MOV10L1: variants seen among roughly 807,000 people sequenced by gnomAD.
MOV10L1 encodes RNA helicase Mov10l1.
In MOV10L1, 110 loss-of-function variants were observed where a neutral mutation model predicts 143.8. That is an observed-to-expected ratio of 0.76 (90% confidence interval 0.66 to 0.90). The LOEUF is 0.90. Among genes scored for constraint, MOV10L1 ranks in the 40% least tolerant of loss-of-function variants. MOV10L1 has a pLI of 0.00. For synonymous variants in MOV10L1, 593 were observed against 581.1 expected (o/e 1.02, Z -0.29); for missense variants, 1,406 against 1,526.8 (o/e 0.92, Z 1.32).
At chr22:50,157,255 T>C (rs993622084) in intron 22 of MOV10L1, among the ~76,000 whole-genome samples, 1 of 149,220 alleles carries the variant, frequency 6.7e-6, no homozygotes, top group African/African-American at 2.4e-5. Context: ...TTATATACTA[T>C]TTGCAAAGGT....
At position 50,150,985 on chromosome 22, in the gene MOV10L1, C is replaced by T. The variant is rs528756461; in HGVS notation, c.2892+86C>T. 19 of 1,529,690 alleles carry T rather than the reference C, an allele frequency of 1.2e-5. No individual in the cohort carries two copies. In the Middle Eastern group the frequency reaches 5.1e-4, roughly 41 times the overall value. 94.8% of individuals were successfully genotyped at this position (1,529,690 alleles called of 1,614,324 possible). Reference sequence around the variant, plus strand: ...GTCGAGCAGCTCACTCTTCTGTCCACCTGAGTCATCTCCATCCGTGGGCAG... The same window carrying T: ...GTCGAGCAGCTCACTCTTCTGTCCATCTGAGTCATCTCCATCCGTGGGCAG... On this transcript the variant is annotated intron_variant, in intron 21 of 26. Coordinates refer to ENST00000262794, the MANE Select transcript of MOV10L1 (RefSeq NM_018995.3).
intron 20 of MOV10L1, 131 bp from the exon 21 acceptor site, chr22:50,150,604 T>A: frequency 9.8e-7 from 1 of 1,020,626 alleles, no homozygotes; most frequent in Non-Finnish European, 1.4e-6. Context: ...GGTCTCCCAG[T>A]CCCTCCCGTC....
intron 3 of MOV10L1, among the ~76,000 whole-genome samples, chr22:50,107,499 T>G (rs1825693390): frequency 6.6e-6 from 1 of 152,214 alleles, no homozygotes; most frequent in African/African-American, 2.4e-5. Context: ...CTTTTTTTTT[T>G]TTGAGCTTCC....
intron 3 of MOV10L1, among the ~76,000 whole-genome samples, chr22:50,104,278 CTA>C (rs2061815882): frequency 6.6e-6 from 1 of 152,218 alleles, no homozygotes; most frequent in Non-Finnish European, 1.5e-5. Context: ...AGCTTGGTTT[CTA>C]ACAGGCCACA....
intron 1 of MOV10L1, 24 bp from the exon 2 acceptor site, chr22:50,091,977 A>G (rs761272187): frequency 1.2e-6 from 2 of 1,604,808 alleles, no homozygotes; most frequent in South Asian, 1.1e-5. Flanking sequence ...TGGCCAAGAT[A>G]ACTTCTTTGT....
intron 1 of MOV10L1, chr22:50,091,421 T>C (rs56144269): frequency 0.14 from 22,356 of 165,478 alleles, 1,957 homozygotes; most frequent in Non-Finnish European, 0.19. Flanking sequence ...TCCAGCACCG[T>C]GTTTGTTGAG....
chr22:50,102,027 G>C (rs557864603), intron 3 of MOV10L1, among the ~76,000 whole-genome samples: 1 of 152,174 alleles, frequency 6.6e-6, no homozygotes, highest in African/African-American at 2.4e-5. Context: ...TGATGTTGCA[G>C]ATGTTGATGG....
At position 50,137,497 on chromosome 22, in the gene MOV10L1, C is replaced by T. The variant is rs1355434789; in HGVS notation, c.2070+2867C>T. 4.6e-5 allele frequency among the ~76,000 whole-genome samples: 7 copies of T among 151,746 alleles called. No individual in the cohort carries two copies. In the South Asian group the frequency reaches 6.3e-4, roughly 14 times the overall value. On this transcript the variant is annotated intron_variant, in intron 15 of 26. Transcript: ENST00000262794. ...CGGAGGCTGCAGTGAGCCGAGATCG[C>T]GCCACTGCACTCCAGCGTGGGCAAT...
chr22:50,161,390 C>T lies in MOV10L1; in HGVS notation c.3577C>T (p.Pro1193Ser). 6.2e-7 allele frequency: 1 copy of T among 1,600,496 alleles called. No homozygotes were observed. Among genetic ancestry groups the T allele is most frequent in the East Asian group, 2.3e-5 (1 of 44,324 alleles). The change falls in exon 27 of 27, where the codon CCC becomes TCC. Residue 1193 changes from proline to serine, a missense_variant. Pro to Ser is a moderately conservative substitution (Grantham distance 74). This residue lies in a region of MOV10L1 where 1,233 missense variants were observed against 1,351.4 expected (regional missense o/e 0.91). Coordinates refer to ENST00000262794, the MANE Select transcript of MOV10L1 (RefSeq NM_018995.3). The part of the protein sequence containing the change: ...LQNCGEGVAD[P>S]SYPVVPESTG... ...CAGCTGTGGCGAGGGGGTGGCAGAC[C>T]CCTCCTACCCAGTGGTGCCAGAATC... is the stretch of plus-strand genomic sequence containing the variant.
chr22:50,115,053 C>T, intron 7 of MOV10L1, 61 bp from the exon 8 acceptor site: 1 of 1,505,008 alleles, frequency 6.6e-7, no homozygotes, highest in East Asian at 2.4e-5. Flanking sequence ...CTAAGCATGC[C>T]AGCACTGTTA....
chr22:50,091,945 C>T (rs1424901083), intron 1 of MOV10L1, 56 bp from the exon 2 acceptor site: 2 of 1,543,520 alleles, frequency 1.3e-6, no homozygotes, highest in Non-Finnish European at 8.8e-7. Flanking sequence ...GTGGGGTTCA[C>T]TGTAGCGTAC....
At chr22:50,097,014 G>C (rs1602115653) in intron 2 of MOV10L1, among the ~76,000 whole-genome samples, 1 of 152,182 alleles carries the variant, frequency 6.6e-6, no homozygotes, top group East Asian at 1.9e-4. Context: ...ATGTACTTCT[G>C]ATGTCACACT....
intron 3 of MOV10L1, among the ~76,000 whole-genome samples, chr22:50,101,045 G>A (rs2061731906): frequency 6.6e-6 from 1 of 152,098 alleles, no homozygotes; most frequent in South Asian, 2.1e-4. Context: ...AAGCTGCCTG[G>A]GGAAGTGGCT....
At chr22:50,090,581 C>T in intron 1 of MOV10L1, 1 of 1,537,010 alleles carries the variant, frequency 6.5e-7, no homozygotes, top group South Asian at 1.2e-5. Context: ...CGCGCTGCGC[C>T]AAGGCGTGCC....
intron 6 of MOV10L1, 60 bp from the exon 7 acceptor site, chr22:50,114,321 A>G: frequency 6.4e-7 from 1 of 1,574,438 alleles, no homozygotes; most frequent in Non-Finnish European, 8.7e-7. Flanking sequence ...GTTTTATGAT[A>G]ACTGAATATT....
chr22:50,090,757 A>G (rs1602092962), intron 1 of MOV10L1: 3 of 470,980 alleles, frequency 6.4e-6, no homozygotes, highest in South Asian at 2.5e-5. Context: ...GCTCACCGCA[A>G]CCTCCGCCTT....
chr22:50,132,112 C>G (rs994164488), intron 13 of MOV10L1, among the ~76,000 whole-genome samples: 1 of 152,208 alleles, frequency 6.6e-6, no homozygotes, highest in Non-Finnish European at 1.5e-5. Context: ...GACCTAATCA[C>G]TTGCCAAAGG....
intron 13 of MOV10L1, among the ~76,000 whole-genome samples, chr22:50,133,319 T>A (rs1171974456): frequency 6.6e-6 from 1 of 151,850 alleles, no homozygotes; most frequent in African/African-American, 2.4e-5. Flanking sequence ...TGGGGCCAAG[T>A]GTGGTGGCTT....
intron 2 of MOV10L1, chr22:50,093,023 C>G (rs1306824489): frequency 1.3e-5 from 2 of 152,182 alleles, no homozygotes; most frequent in African/African-American, 4.8e-5. Flanking sequence ...GCCTCAGCCT[C>G]CTGAGTAGCT....
Sources: allele counts gnomAD v4.1 joint callset (sites outside exome capture counted in the v4.1 genomes callset), GRCh38; gene constraint gnomAD v4.1.1; regional missense constraint gnomAD v4.1.1; transcripts MANE v1.5; gene names NCBI Gene and HGNC (gene_info 2026-07-23, HGNC 2026-07-21).